CNTNAP2: variants seen among roughly 807,000 people sequenced by gnomAD.
CNTNAP2 encodes contactin associated protein 2, also known as contactin-associated protein-like 2.
CNTNAP2 carries 98 observed loss-of-function variants against 155.2 expected under a neutral mutation model. The observed-to-expected ratio is 0.63, with a 90% CI of 0.54 to 0.75. The LOEUF (loss-of-function observed/expected upper bound fraction) is 0.75. Ranked by LOEUF, CNTNAP2 falls within the 30% of genes least tolerant of loss-of-function variation. The probability of loss-of-function intolerance (pLI) is 0.00; values close to 1 mark genes in which losing one functional copy is unlikely to be tolerated. For synonymous variants in CNTNAP2, 651 were observed against 631.2 expected (o/e 1.03, Z -0.47); for missense variants, 1,727 against 1,688.1 (o/e 1.02, Z -0.40).
chr7:147,111,500 G>T (rs1345398655), intron 5 of CNTNAP2, among the ~76,000 whole-genome samples: 1 of 152,054 alleles, frequency 6.6e-6, no homozygotes, highest in African/African-American at 2.4e-5. Flanking sequence ...TAGAGTTTTG[G>T]GTTTTAAATT....
intron 18 of CNTNAP2, among the ~76,000 whole-genome samples, chr7:148,174,688 C>G (rs373262420): frequency 7.2e-5 from 11 of 152,152 alleles, no homozygotes; most frequent in African/African-American, 2.7e-4. Flanking sequence ...TGAGAATACA[C>G]GCCAAAATAT....
intron 3 of CNTNAP2, among the ~76,000 whole-genome samples, chr7:146,879,847 A>C (rs1216311485): frequency 1.3e-5 from 2 of 152,114 alleles, no homozygotes; most frequent in African/African-American, 4.8e-5. Flanking sequence ...GTAATTTATA[A>C]AGAAAAAGAA....
chr7:147,559,141 G>A (rs1347599036), intron 11 of CNTNAP2, among the ~76,000 whole-genome samples: 1 of 152,208 alleles, frequency 6.6e-6, no homozygotes, highest in Non-Finnish European at 1.5e-5. Context: ...CTCCCAAAGT[G>A]TTGGGATTAC....
intron 1 of CNTNAP2, among the ~76,000 whole-genome samples, chr7:146,276,356 A>G (rs185056957): frequency 3.5e-4 from 54 of 152,322 alleles, no homozygotes; most frequent in African/African-American, 1.2e-3. Context: ...TAAAAACTCT[A>G]TTGGGATATG....
chr7:148,163,418 T>A (rs1038842687), intron 17 of CNTNAP2, among the ~76,000 whole-genome samples: 1 of 152,206 alleles, frequency 6.6e-6, no homozygotes, highest in African/African-American at 2.4e-5. Flanking sequence ...CACCATAGCC[T>A]CTACAATGAA....
intron 1 of CNTNAP2, among the ~76,000 whole-genome samples, chr7:146,426,948 T>C (rs565922129): frequency 4.4e-4 from 67 of 152,226 alleles, no homozygotes; most frequent in African/African-American, 1.6e-3. Context: ...TATACAAATA[T>C]CAAAACGTCA....
At chr7:148,073,804 T>C (rs775272950) in intron 15 of CNTNAP2, among the ~76,000 whole-genome samples, 4 of 152,054 alleles carry the variant, frequency 2.6e-5, no homozygotes, top group Non-Finnish European at 5.9e-5. Context: ...AGGCCCTCCA[T>C]ATCAATGGGT....
At chr7:146,191,290 A>G (rs1798701273) in intron 1 of CNTNAP2, among the ~76,000 whole-genome samples, 1 of 152,154 alleles carries the variant, frequency 6.6e-6, no homozygotes, top group Non-Finnish European at 1.5e-5. Flanking sequence ...CAAAACCAGC[A>G]AGTTTGTATT....
chr7:147,530,608 C>T (rs1006358678), intron 11 of CNTNAP2, among the ~76,000 whole-genome samples: 3 of 152,072 alleles, frequency 2.0e-5, no homozygotes, highest in African/African-American at 7.2e-5. Context: ...AGACTGGCAC[C>T]CTGGATTCAG....
intron 15 of CNTNAP2, among the ~76,000 whole-genome samples, chr7:147,999,427 C>G (rs748525495): frequency 2.6e-5 from 4 of 152,178 alleles, no homozygotes; most frequent in South Asian, 4.2e-4. Context: ...TTTAGACAAG[C>G]CTTTCTTAAT....
chr7:146,241,250 A>G (rs1330398571), intron 1 of CNTNAP2, among the ~76,000 whole-genome samples: 1 of 152,176 alleles, frequency 6.6e-6, no homozygotes, highest in Non-Finnish European at 1.5e-5. Context: ...ATATGTGTAG[A>G]CTTCAAACCT....
intron 1 of CNTNAP2, among the ~76,000 whole-genome samples, chr7:146,667,899 T>C (rs1405658637): frequency 6.6e-6 from 1 of 152,048 alleles, no homozygotes; most frequent in Non-Finnish European, 1.5e-5. Context: ...TTTCTATATA[T>C]AGGATCATGT....
At chr7:147,138,165 C>T (rs1296447015) in intron 8 of CNTNAP2, among the ~76,000 whole-genome samples, 1 of 151,602 alleles carries the variant, frequency 6.6e-6, no homozygotes, top group Admixed American at 6.6e-5. Context: ...TCTTAAGATA[C>T]AAAAGATAAA....
At chr7:146,262,027 T>C (rs1050967881) in intron 1 of CNTNAP2, among the ~76,000 whole-genome samples, 1 of 152,188 alleles carries the variant, frequency 6.6e-6, no homozygotes, top group Non-Finnish European at 1.5e-5. Context: ...GTTTCTTTTA[T>C]TGTTCTGCTT....
chr7:147,073,937 C>T (rs1388894888), intron 4 of CNTNAP2, among the ~76,000 whole-genome samples: 1 of 152,038 alleles, frequency 6.6e-6, no homozygotes, highest in Non-Finnish European at 1.5e-5. Context: ...CCAAATGAAA[C>T]ACAGCATCAG....
intron 1 of CNTNAP2, among the ~76,000 whole-genome samples, chr7:146,452,489 T>C (rs1248354863): frequency 1.3e-5 from 2 of 152,218 alleles, no homozygotes; most frequent in African/African-American, 4.8e-5. Context: ...ATAAATTTGT[T>C]CGATAACAGT....
At chr7:147,020,107 T>A (rs1798794061) in intron 3 of CNTNAP2, among the ~76,000 whole-genome samples, 1 of 152,084 alleles carries the variant, frequency 6.6e-6, no homozygotes, top group Non-Finnish European at 1.5e-5. Context: ...ATACATAATG[T>A]TTGTAGGTGA....
intron 21 of CNTNAP2, among the ~76,000 whole-genome samples, chr7:148,286,518 T>A (rs58290298): frequency 6.6e-6 from 1 of 152,130 alleles, no homozygotes; most frequent in Admixed American, 6.5e-5. Context: ...TTTGTGGGCC[T>A]AATTACTATT....
intron 1 of CNTNAP2, among the ~76,000 whole-genome samples, chr7:146,749,135 T>A (rs1322830834): frequency 6.6e-6 from 1 of 152,086 alleles, no homozygotes; most frequent in East Asian, 1.9e-4. Context: ...CATATATACA[T>A]AGGTATACAT....
Sources: gnomAD v4.1 joint callset for allele counts (sites outside exome capture counted in the v4.1 genomes callset) on GRCh38, gnomAD v4.1.1 for gene constraint, MANE v1.5 for transcripts, NCBI Gene and HGNC (gene_info 2026-07-23, HGNC 2026-07-21) for gene names.